Variants in COBL observed in about 807,000 individuals in gnomAD.
COBL encodes protein cordon-bleu.
A neutral mutation model predicts 98.8 loss-of-function variants in COBL; 51 were observed. That is an observed-to-expected ratio of 0.52 (90% CI 0.41 to 0.65). The LOEUF (loss-of-function observed/expected upper bound fraction) is 0.65, where lower values mean the gene tolerates loss of function less well. Among genes scored for constraint, COBL ranks in the 30% least tolerant of loss-of-function variants. The probability of loss-of-function intolerance (pLI) is 0.00; values close to 1 mark genes in which losing one functional copy is unlikely to be tolerated. For missense variants in COBL, 1,617 were observed against 1,617.5 expected, an observed-to-expected ratio of 1.00 and a Z score of 0.01; for synonymous variants, 634 against 651.7, an observed-to-expected ratio of 0.97 and a Z score of 0.41.
chr7:51,227,399 C>T (rs775865522), intron 1 of COBL, among the ~76,000 whole-genome samples: 6 of 152,132 alleles, frequency 3.9e-5, no homozygotes, highest in Non-Finnish European at 7.4e-5. Context: ...GGTGGCAGAG[C>T]TGGAACAGAC....
At chr7:51,157,667 T>A (rs1786319160) in intron 5 of COBL, among the ~76,000 whole-genome samples, 1 of 152,232 alleles carries the variant, frequency 6.6e-6, no homozygotes, top group Non-Finnish European at 1.5e-5. Flanking sequence ...ATTGTTCTTA[T>A]TCTCTAAGTC....
chr7:51,215,565 C>T (rs999958833), intron 2 of COBL, among the ~76,000 whole-genome samples: 1 of 152,212 alleles, frequency 6.6e-6, no homozygotes, highest in Non-Finnish European at 1.5e-5. Flanking sequence ...CAGGAATTTA[C>T]TCTATTGTAA....
chr7:51,073,107 A>T, intron 7 of COBL: 2 of 370,784 alleles, frequency 5.4e-6, no homozygotes, highest in Non-Finnish European at 9.6e-6. Context: ...TGAATTTCAG[A>T]CAGGTGAATA....
intron 6 of COBL, among the ~76,000 whole-genome samples, chr7:51,112,309 A>AT (rs1295667116): frequency 1.3e-5 from 2 of 152,096 alleles, no homozygotes; most frequent in Non-Finnish European, 1.5e-5. Flanking sequence ...GATTATTTTT[A>AT]TTTTTTGCCC....
intron 1 of COBL, among the ~76,000 whole-genome samples, chr7:51,264,569 G>A (rs1798013199): frequency 6.6e-6 from 1 of 150,984 alleles, no homozygotes; most frequent in African/African-American, 2.4e-5. Context: ...TACTCGGGAG[G>A]CTGAGGAAGG....
rs766167531 is a variant in COBL, at chr7:51,219,930, G to C, written c.56C>G (p.Ala19Gly). ...CTTTCCAGGAGGTGGGGGAGCACGA[G>C]CCTTCATCTTCCTCCTTAAAAACAA... ...AKPPTGRKMK[A>G]RAPPPPGKAA... The change falls in exon 2 of 13, where the codon GCT (alanine) becomes GGT (glycine). Residue 19 changes from alanine (A) to glycine (G), a missense_variant. By Grantham distance (60) the Ala-to-Gly change is moderately conservative. Transcript: ENST00000265136. 6.2e-7 allele frequency: 1 copy of C among 1,610,658 alleles called. No individual in the cohort carries two copies. Among genetic ancestry groups the C allele is most frequent in the Non-Finnish European group, 8.5e-7 (1 of 1,179,526 alleles).
chr7:51,085,339 T>C (rs746656814), intron 6 of COBL, 35 bp from the exon 7 acceptor site: 11 of 499,060 alleles, frequency 2.2e-5, no homozygotes, highest in Non-Finnish European at 2.6e-5. Flanking sequence ...ACAATCAAAG[T>C]ACTTTGTACC....
intron 6 of COBL, among the ~76,000 whole-genome samples, chr7:51,087,151 C>T (rs1478807304): frequency 6.6e-6 from 1 of 151,832 alleles, no homozygotes; most frequent in Non-Finnish European, 1.5e-5. Context: ...GACATACACA[C>T]ACACACACAC....
Position 51,113,157 on chromosome 7 carries a change from C to A in COBL, c.957+23001G>T, listed in dbSNP as rs528588531. On this transcript the variant is annotated intron_variant, in intron 6 of 12. Transcript: ENST00000265136. Reference sequence around the variant, plus strand: ...ACCCAGGATGACAGCTCATTTGGAGCATCTATGCTTCATCACAAGTTTCTA... The same window carrying A: ...ACCCAGGATGACAGCTCATTTGGAGAATCTATGCTTCATCACAAGTTTCTA... Among the ~76,000 whole-genome samples, 3 of 152,254 alleles carry A rather than the reference C, an allele frequency of 2.0e-5. No homozygotes were observed. The East Asian group carries it at 5.8e-4, about 29-fold the overall frequency.
chr7:51,153,303 A>T (rs1785753203), intron 5 of COBL, among the ~76,000 whole-genome samples: 1 of 150,902 alleles, frequency 6.6e-6, no homozygotes, highest in Non-Finnish European at 1.5e-5. Context: ...TATTGTTACC[A>T]ATTAATTATT....
chr7:51,246,357 T>C (rs1796269316), intron 1 of COBL, among the ~76,000 whole-genome samples: 1 of 152,170 alleles, frequency 6.6e-6, no homozygotes, highest in Non-Finnish European at 1.5e-5. Flanking sequence ...CCATAGTAAA[T>C]GCTGTTTGTT....
intron 5 of COBL, chr7:51,156,375 C>A (rs998043046): frequency 4.1e-6 from 4 of 985,154 alleles, no homozygotes; most frequent in African/African-American, 1.7e-5. Context: ...CCAATACTTC[C>A]GAAATGTCCC....
intron 6 of COBL, among the ~76,000 whole-genome samples, chr7:51,110,468 C>CTCTATTGTG (rs1274850912): frequency 6.6e-6 from 1 of 152,182 alleles, no homozygotes; most frequent in Non-Finnish European, 1.5e-5. Context: ...CAGAATAGTA[C>CTCTATTGTG]TCTATTGTGT....
At chr7:51,176,274 A>G (rs1178749926) in intron 5 of COBL, among the ~76,000 whole-genome samples, 4 of 152,206 alleles carry the variant, frequency 2.6e-5, no homozygotes, top group African/African-American at 9.7e-5. Flanking sequence ...AAAATTAAAA[A>G]ATACAAAAGC....
chr7:51,082,435 A>G (rs984153665), intron 7 of COBL, among the ~76,000 whole-genome samples: 4 of 152,224 alleles, frequency 2.6e-5, no homozygotes, highest in East Asian at 1.9e-4. Flanking sequence ...TACTTACTAA[A>G]GTCCAAAAGA....
intron 6 of COBL, among the ~76,000 whole-genome samples, chr7:51,130,757 T>C (rs1337482802): frequency 6.6e-6 from 1 of 152,194 alleles, no homozygotes; most frequent in Admixed American, 6.5e-5. Flanking sequence ...AAACGTGTCT[T>C]TGGGAGTCTG....
At chr7:51,073,638 C>T (rs1378504109) in intron 7 of COBL, among the ~76,000 whole-genome samples, 2 of 152,162 alleles carry the variant, frequency 1.3e-5, no homozygotes, top group Non-Finnish European at 2.9e-5. Context: ...TCACTTCCCT[C>T]ATGGTTGGTC....
In COBL at chr7:51,028,305, A is replaced by C; in HGVS notation, c.2791T>G (p.Trp931Gly). 1 of 1,614,234 alleles carries C rather than the reference A, an allele frequency of 6.2e-7. No homozygotes were observed. Among genetic ancestry groups the C allele is most frequent in the Non-Finnish European group, 8.5e-7 (1 of 1,180,038 alleles). Reference sequence around the variant, plus strand: ...TTGTTGGGAGGAGTGACACAGGGCCACTGGGCACCATCCTTCCATCCTTGT... The same window carrying C: ...TTGTTGGGAGGAGTGACACAGGGCCCCTGGGCACCATCCTTCCATCCTTGT... ...ETQGWKDGAQ[W>G]PCVTPPNNHG... is the part of the protein sequence containing the mutation. Residue 931 changes from tryptophan (W) to glycine (G), a missense_variant, in exon 10 of 13, where the codon TGG becomes GGG. Transcript: ENST00000265136.
chr7:51,271,649 A>T (rs1798772052), intron 1 of COBL, among the ~76,000 whole-genome samples: 1 of 152,222 alleles, frequency 6.6e-6, no homozygotes, highest in South Asian at 2.1e-4. Flanking sequence ...ACTGAAAAAG[A>T]CTGAGGAGGG....
Sources: gnomAD v4.1 joint callset for allele counts (sites outside exome capture counted in the v4.1 genomes callset) on GRCh38, gnomAD v4.1.1 for gene constraint, MANE v1.5 for transcripts, NCBI Gene and HGNC (gene_info 2026-07-23, HGNC 2026-07-21) for gene names.